Variants in RFC3 observed in about 807,000 individuals in gnomAD.
RFC3 encodes the protein replication factor C subunit 3, also known as A1 38 kDa subunit.
A neutral mutation model predicts 45.1 loss-of-function variants in RFC3; 41 were observed. That is an observed-to-expected ratio of 0.91 (90% CI 0.71 to 1.18). The LOEUF (loss-of-function observed/expected upper bound fraction) is 1.18. Among genes scored for constraint, RFC3 ranks in the 50% most tolerant of loss-of-function variants. The pLI is 0.00. For missense variants in RFC3, 423 were observed against 428.1 expected (o/e 0.99, Z 0.10); for synonymous variants, 149 against 144.0 (o/e 1.03, Z -0.25).
chr13:33,820,439 TCC>T (rs2081991073), intron 1 of RFC3, among the ~76,000 whole-genome samples: 1 of 152,242 alleles, frequency 6.6e-6, no homozygotes. Flanking sequence ...TACGGCAGCT[TCC>T]CCACCCTTTG....
In RFC3 at chr13:33,821,251, T is replaced by C. The variant is rs199691599; in HGVS notation, c.207T>C (p.Ile69=). Reference sequence around the variant, plus strand: ...GTGTTGGAGTGGAAAAATTGAGAATTGAACATCAGACCATCACAGTAAGCA... The same window carrying C: ...GTGTTGGAGTGGAAAAATTGAGAATCGAACATCAGACCATCACAGTAAGCA... ...LYGVGVEKLR[I]EHQTITTPSK... Residue 69 remains isoleucine (I), a synonymous_variant, in exon 2 of 9, where the codon ATT becomes ATC. Coordinates refer to ENST00000380071, the MANE Select transcript of RFC3 (RefSeq NM_002915.4). 16 of 1,613,566 alleles carry C rather than the reference T, an allele frequency of 9.9e-6. No individual in the cohort carries two copies. Among genetic ancestry groups the C allele is most frequent in the Admixed American group, 3.3e-5 (2 of 60,006 alleles).
intron 8 of RFC3, among the ~76,000 whole-genome samples, chr13:33,886,373 T>C (rs922364331): frequency 5.9e-5 from 9 of 151,838 alleles, no homozygotes; most frequent in African/African-American, 2.2e-4. Flanking sequence ...GGCGAAACCC[T>C]GTCTCTACTA....
intron 8 of RFC3, among the ~76,000 whole-genome samples, chr13:33,921,613 C>T (rs1387203440): frequency 2.6e-5 from 4 of 152,040 alleles, no homozygotes; most frequent in African/African-American, 9.7e-5. Context: ...GTTTCTTAGG[C>T]TGAGGTGACA....
intron 8 of RFC3, among the ~76,000 whole-genome samples, chr13:33,940,086 ATTG>A (rs1398985497): frequency 6.6e-6 from 1 of 151,956 alleles, no homozygotes; most frequent in African/African-American, 2.4e-5. Flanking sequence ...TTCCTAATTT[ATTG>A]TTTTCTTCCT....
intron 8 of RFC3, among the ~76,000 whole-genome samples, chr13:33,895,559 C>A (rs1193520745): frequency 6.6e-6 from 1 of 152,140 alleles, no homozygotes; most frequent in Admixed American, 6.5e-5. Context: ...ATTAGTGTAA[C>A]CTCTATGGAA....
At chr13:33,828,837 A>G (rs1293774558) in intron 4 of RFC3, among the ~76,000 whole-genome samples, 1 of 152,164 alleles carries the variant, frequency 6.6e-6, no homozygotes, top group Non-Finnish European at 1.5e-5. Flanking sequence ...GTGCCTGGCC[A>G]ACTGCTGCTT....
intron 8 of RFC3, among the ~76,000 whole-genome samples, chr13:33,957,278 G>A (rs2083027773): frequency 6.6e-6 from 1 of 152,166 alleles, no homozygotes; most frequent in Non-Finnish European, 1.5e-5. Flanking sequence ...AACCTCATTG[G>A]ATGATCAAGC....
chr13:33,926,002 T>A (rs2082809546), intron 8 of RFC3, among the ~76,000 whole-genome samples: 1 of 151,868 alleles, frequency 6.6e-6, no homozygotes, highest in Non-Finnish European at 1.5e-5. Flanking sequence ...ATGTGGCACA[T>A]ATACACCATG....
chr13:33,867,492 G>A (rs1316102944), intron 8 of RFC3, among the ~76,000 whole-genome samples: 1 of 152,184 alleles, frequency 6.6e-6, no homozygotes, highest in Non-Finnish European at 1.5e-5. Context: ...ACATGCTTCT[G>A]AGAGAAGAGG....
intron 8 of RFC3, among the ~76,000 whole-genome samples, chr13:33,870,662 C>G (rs1220171123): frequency 3.3e-5 from 5 of 152,162 alleles, no homozygotes; most frequent in Admixed American, 3.3e-4. Flanking sequence ...TGCAATGGAA[C>G]AGCCGGCCCA....
Position 33,818,269 on chromosome 13 carries a change from A to T in RFC3, c.87+4A>T. On this transcript the variant is annotated splice_donor_region_variant and intron_variant, in intron 1 of 8. Coordinates refer to ENST00000380071, the MANE Select transcript of RFC3 (RefSeq NM_002915.4). ...GGCGGCCCAGCTGCGGAACCTGGTGAGTCTGCGGGGGCCGGGAGCGTGGGA... is the reference window on the plus strand; with the variant it reads ...GGCGGCCCAGCTGCGGAACCTGGTGTGTCTGCGGGGGCCGGGAGCGTGGGA... The T allele has an allele frequency of 6.2e-7, 1 of 1,613,090 alleles. No homozygotes were observed. The highest frequency in any genetic ancestry group is 8.5e-7 in the Non-Finnish European group (1 of 1,179,608).
In RFC3 at chr13:33,871,738, C is replaced by G. The variant is rs117592735; in HGVS notation, c.879+36521C>G. Among the ~76,000 whole-genome samples the G allele has an allele frequency of 1.8e-4, 27 of 152,318 alleles. No homozygotes were observed. In the East Asian group the frequency reaches 4.2e-3, roughly 24 times the overall value. ...TAGAAGGCAGAAGAGATTTCTGGAG[C>G]CTAAACCATGTAGTAACATTTATGT... On this transcript the variant is annotated intron_variant, in intron 8 of 8. Coordinates refer to the RFC3 transcript ENST00000434425.
chr13:33,928,245 A>G (rs772479771), intron 8 of RFC3, among the ~76,000 whole-genome samples: 2 of 152,116 alleles, frequency 1.3e-5, no homozygotes, highest in Non-Finnish European at 2.9e-5. Context: ...GACTGAGTCA[A>G]TCATGAAAGT....
intron 8 of RFC3, among the ~76,000 whole-genome samples, chr13:33,875,277 G>A (rs2082438803): frequency 6.6e-6 from 1 of 152,160 alleles, no homozygotes; most frequent in Admixed American, 6.5e-5. Flanking sequence ...GGGGGCCACA[G>A]GGTGCATAGT....
intron 8 of RFC3, among the ~76,000 whole-genome samples, chr13:33,881,740 G>A (rs1593662422): frequency 6.6e-6 from 1 of 152,092 alleles, no homozygotes. Flanking sequence ...TCTCAGTCCC[G>A]TGCTTTCCTC....
intron 1 of RFC3, among the ~76,000 whole-genome samples, chr13:33,820,766 TA>T (rs1178122996): frequency 1.3e-5 from 2 of 152,136 alleles, no homozygotes; most frequent in Non-Finnish European, 2.9e-5. Flanking sequence ...TCCTTTATTT[TA>T]AAAAGTTTTC....
chr13:33,896,154 T>C (rs953248702), intron 8 of RFC3, among the ~76,000 whole-genome samples: 1 of 151,518 alleles, frequency 6.6e-6, no homozygotes, highest in Non-Finnish European at 1.5e-5. Flanking sequence ...CCAAAAGCTA[T>C]TGAAACAAAG....
chr13:33,819,616 G>A (rs562540069), intron 1 of RFC3, among the ~76,000 whole-genome samples: 3 of 151,946 alleles, frequency 2.0e-5, no homozygotes, highest in African/African-American at 2.4e-5. Context: ...AAAATAAATT[G>A]ATTACTGCAG....
intron 8 of RFC3, among the ~76,000 whole-genome samples, chr13:33,858,885 A>G (rs563927916): frequency 6.6e-6 from 1 of 152,270 alleles, no homozygotes; most frequent in South Asian, 2.1e-4. Context: ...TTTCTTGGAC[A>G]TCTCTTTTTC....
Sources: allele counts gnomAD v4.1 joint callset (sites outside exome capture counted in the v4.1 genomes callset), GRCh38; gene constraint gnomAD v4.1.1; transcripts MANE v1.5; gene names NCBI Gene and HGNC (gene_info 2026-07-23, HGNC 2026-07-21).